GLIS3: variants seen among roughly 807,000 people sequenced by gnomAD.
The protein encoded by GLIS3 is GLIS family zinc finger 3.
GLIS3 carries 53 observed loss-of-function variants against 78.6 expected under a neutral mutation model. The ratio of observed to expected loss-of-function variants is 0.67; its 90% CI spans 0.54 to 0.85. GLIS3 has a LOEUF of 0.85. Among genes scored for constraint, GLIS3 ranks in the 40% least tolerant of loss-of-function variants. The pLI is 0.00. For missense variants in GLIS3, 1,703 were observed against 1,231.1 expected (o/e 1.38, Z -5.74); for synonymous variants, 684 against 509.9 (o/e 1.34, Z -4.60).
At position 4,196,422 on chromosome 9, in the gene GLIS3, T is replaced by C. The variant is rs189676125; in HGVS notation, c.389-70481A>G. 4.6e-5 allele frequency among the ~76,000 whole-genome samples: 7 copies of C among 152,300 alleles called. No homozygotes were observed. In the East Asian group the frequency reaches 7.7e-4, roughly 17 times the overall value. On this transcript the variant is annotated intron_variant, in intron 2 of 10. Transcript: ENST00000381971. ...GGTCCCTTTCCGCACTGTGGAAGCT[T>C]TGTTCTTTCGCTCTTTGCGATAAAT...
chr9:4,118,618 C>G lies in GLIS3; in HGVS notation c.860G>C (p.Arg287Pro), dbSNP rs748493859. ...CGAGTGGGACCTGGTGGATGAGTGCCGAGGACTAGGGTAAGGAGAGTGGCT... is the reference window on the plus strand; with the variant it reads ...CGAGTGGGACCTGGTGGATGAGTGCGGAGGACTAGGGTAAGGAGAGTGGCT... ...ESSHSPYPSP[R>P]HSSTRSHSAR... is the part of the protein sequence containing the mutation. Residue 287 changes from arginine (R) to proline (P), a missense_variant, in exon 4 of 11, where the codon CGG (arginine) becomes CCG (proline). Arg to Pro is a moderately radical substitution (Grantham distance 103). Transcript: ENST00000381971. This position sits in a 1 kb window ranked among gnomAD's most constrained non-coding sequence, Gnocchi z 4.7. The G allele has an allele frequency of 6.2e-7, 1 of 1,614,130 alleles. No homozygotes were observed. The highest frequency in any genetic ancestry group is 8.5e-7 in the Non-Finnish European group (1 of 1,180,020).
intron 2 of GLIS3, among the ~76,000 whole-genome samples, chr9:4,283,890 A>G (rs1239605013): frequency 2.6e-5 from 4 of 152,092 alleles, no homozygotes; most frequent in African/African-American, 9.7e-5. Context: ...TCTACCCCTC[A>G]TTTGTGCCTA....
At chr9:3,994,341 T>C (rs1820574988) in intron 4 of GLIS3, among the ~76,000 whole-genome samples, 1 of 152,154 alleles carries the variant, frequency 6.6e-6, no homozygotes, top group Non-Finnish European at 1.5e-5. Context: ...CTGCCCTCTT[T>C]AGGTTGAAAA....
At chr9:4,205,201 G>C (rs929517950) in intron 2 of GLIS3, among the ~76,000 whole-genome samples, 1 of 146,754 alleles carries the variant, frequency 6.8e-6, no homozygotes, top group Non-Finnish European at 1.5e-5. Flanking sequence ...AAAGGAATCA[G>C]TTATGACTAT....
chr9:3,854,248 C>G (rs1429132226), intron 9 of GLIS3, among the ~76,000 whole-genome samples: 16 of 152,164 alleles, frequency 1.1e-4, no homozygotes, highest in African/African-American at 2.4e-5. Flanking sequence ...GATGCCTTGT[C>G]TTGTGCACAG....
intron 8 of GLIS3, among the ~76,000 whole-genome samples, chr9:3,859,061 T>A (rs1443605799): frequency 6.6e-6 from 1 of 152,188 alleles, no homozygotes; most frequent in Non-Finnish European, 1.5e-5. Context: ...ATGGAGAAGA[T>A]GAAGAGAGAG....
chr9:3,865,192 A>G (rs1221168620), intron 8 of GLIS3, among the ~76,000 whole-genome samples: 4 of 152,202 alleles, frequency 2.6e-5, no homozygotes, highest in African/African-American at 9.6e-5. Context: ...AAGGACACAA[A>G]CACAAAAGGT....
rs116643252 is a variant in GLIS3 at position 4,101,955 on chromosome 9, G to C, written c.1710+15813C>G. Among the ~76,000 whole-genome samples, 843 of 152,288 alleles carry C rather than the reference G, an allele frequency of 5.5e-3. 11 individuals are homozygous for C. The highest frequency in any genetic ancestry group is 0.015 in the African/African-American group (625 of 41,556). On this transcript the variant is annotated intron_variant, in intron 4 of 10. Transcript: ENST00000381971. The stretch of plus-strand genomic sequence containing the variant: ...CAGATGCTGTAAAACTGCAAACTTA[G>C]ACCACACATTTTCTGTATATTTTCC...
At chr9:3,840,140 G>T (rs371777228) in intron 9 of GLIS3, among the ~76,000 whole-genome samples, 14 of 152,262 alleles carry the variant, frequency 9.2e-5, no homozygotes, top group African/African-American at 3.4e-4. Context: ...AAAAGCATTT[G>T]GTGCATTCTC....
At chr9:4,308,169 G>A (rs1360493724) in intron 4 of GLIS3, among the ~76,000 whole-genome samples, 1 of 152,068 alleles carries the variant, frequency 6.6e-6, no homozygotes, top group East Asian at 1.9e-4. Context: ...CGACCTATCT[G>A]AAAGCCTTAA....
intron 2 of GLIS3, among the ~76,000 whole-genome samples, chr9:4,195,041 G>A (rs1818683040): frequency 6.6e-6 from 1 of 152,238 alleles, no homozygotes; most frequent in Non-Finnish European, 1.5e-5. Flanking sequence ...TCCACAGCCA[G>A]AACTGTGAAA....
intron 2 of GLIS3, among the ~76,000 whole-genome samples, chr9:4,230,029 C>G (rs1435263360): frequency 6.6e-6 from 1 of 152,138 alleles, no homozygotes; most frequent in East Asian, 1.9e-4. Context: ...GGACAGGAGA[C>G]AGCAATAAAA....
intron 2 of GLIS3, among the ~76,000 whole-genome samples, chr9:4,152,773 TAA>T (rs1301221547): frequency 6.6e-6 from 1 of 152,204 alleles, no homozygotes; most frequent in Non-Finnish European, 1.5e-5. Context: ...CCATCAATTA[TAA>T]GTTTTAAAAT....
chr9:4,454,984 T>C, the GLIS3 span, among the ~76,000 whole-genome samples: 2 of 152,248 alleles, frequency 1.3e-5, no homozygotes, highest in Non-Finnish European at 2.9e-5. Flanking sequence ...TCCTCAAAAC[T>C]ATTAAGAATT....
At chr9:4,353,410 G>C in the GLIS3 span, among the ~76,000 whole-genome samples, 1 of 152,122 alleles carries the variant, frequency 6.6e-6, no homozygotes, top group African/African-American at 2.4e-5. Context: ...GGGAGTTAAC[G>C]AGCAGCAAAA....
intron 2 of GLIS3, among the ~76,000 whole-genome samples, chr9:4,237,075 TAGCAATAAGTATAAAG>T (rs1460102964): frequency 1.4e-5 from 2 of 138,738 alleles, no homozygotes; most frequent in Non-Finnish European, 3.3e-5. Flanking sequence ...GAAAGCAATT[TAGCAATAAGTATAAAG>T]AATCACCAAC....
the GLIS3 span, among the ~76,000 whole-genome samples, chr9:4,484,239 A>ATTTTT: frequency 1.6e-5 from 2 of 127,176 alleles, 1 homozygote; most frequent in Non-Finnish European, 3.2e-5. Context: ...TTTTTTTTTT[A>ATTTTT]TTTTTTTTAT....
chr9:4,101,626 C>T (rs1045906805), intron 4 of GLIS3, among the ~76,000 whole-genome samples: 14 of 152,222 alleles, frequency 9.2e-5, no homozygotes, highest in African/African-American at 3.4e-4. Context: ...AATAATTATA[C>T]CTACTATATT....
At chr9:3,873,572 C>T (rs1821103494) in intron 8 of GLIS3, among the ~76,000 whole-genome samples, 1 of 152,008 alleles carries the variant, frequency 6.6e-6, no homozygotes, top group Non-Finnish European at 1.5e-5. Context: ...GTGGGACATC[C>T]TAAATACCTT....
Sources: allele counts gnomAD v4.1 joint callset (sites outside exome capture counted in the v4.1 genomes callset), GRCh38; gene constraint gnomAD v4.1.1; non-coding constraint Gnocchi (gnomAD v3.1); transcripts MANE v1.5; gene names NCBI Gene and HGNC (gene_info 2026-07-23, HGNC 2026-07-21).